The following CASKIN2 variants were observed in gnomAD, a reference collection of about 807,000 sequenced individuals.
CASKIN2 encodes caskin-2.
In CASKIN2, 41 loss-of-function variants were observed where a neutral mutation model predicts 107.1. The observed-to-expected ratio is 0.38, with a 90% CI of 0.30 to 0.50. The LOEUF (loss-of-function observed/expected upper bound fraction) is 0.50, where lower values mean the gene tolerates loss of function less well. CASKIN2 is among the 20% of genes least tolerant of loss of function. The pLI is 0.92. For synonymous variants in CASKIN2, 724 were observed against 705.6 expected, an observed-to-expected ratio of 1.03 and a Z score of -0.41; for missense variants, 1,546 against 1,657.4, an observed-to-expected ratio of 0.93 and a Z score of 1.17.
intron 2 of CASKIN2, among the ~76,000 whole-genome samples, chr17:75,513,434 A>G (rs1297069428): frequency 6.6e-6 from 1 of 152,168 alleles, no homozygotes; most frequent in African/African-American, 2.4e-5. Context: ...GACAAGCTAT[A>G]GGCACTCAAT....
chr17:75,513,892 C>T lies in CASKIN2; in HGVS notation c.-88G>A. 1 of 1,264,286 alleles carries T rather than the reference C, an allele frequency of 7.9e-7. No individual in the cohort carries two copies. Among genetic ancestry groups the T allele is most frequent in the South Asian group, 1.2e-5 (1 of 80,510 alleles). The allele number at this position is 1,264,286 out of a possible 1,614,324, so 78.3% of individuals were successfully genotyped here. A position where few individuals can be genotyped will look rare whatever the true frequency, so the allele number is the denominator to read the frequency against. ...GCTGGGGCGTCAGGGCGCCATGCCACAGCCCCTTGGAGGGCTCCCGGTTCC... is the reference window on the plus strand; with the variant it reads ...GCTGGGGCGTCAGGGCGCCATGCCATAGCCCCTTGGAGGGCTCCCGGTTCC... On this transcript the variant is annotated 5_prime_UTR_variant, in exon 2 of 20. In the 5' UTR this introduces an upstream ATG that the reference lacks. Transcript: ENST00000321617.
intron 4 of CASKIN2, among the ~76,000 whole-genome samples, 155 bp downstream of exon 4, chr17:75,507,429 A>G (rs1369598102): frequency 6.6e-6 from 1 of 152,198 alleles, no homozygotes; most frequent in Non-Finnish European, 1.5e-5. Flanking sequence ...AAGGCTGTGA[A>G]GAGTAAACGG....
In CASKIN2 at chr17:75,502,786, G is replaced by A. The variant is rs760688574; in HGVS notation, c.2288C>T (p.Pro763Leu). 37 of 1,599,106 alleles carry A rather than the reference G, an allele frequency of 2.3e-5. 1 individual carries two copies. In the South Asian group the frequency reaches 4.1e-4, roughly 18 times the overall value. Residue 763 changes from proline (P) to leucine (L), a missense_variant, in exon 18 of 20, where the codon CCC becomes CTC. Physicochemically the swap from Pro to Leu is moderately conservative, Grantham distance 98. This residue lies in a region of CASKIN2 where 1,311 missense variants were observed against 1,311.0 expected (regional missense o/e 1.00). Transcript: ENST00000321617. This position sits in a 1 kb window ranked among gnomAD's most constrained non-coding sequence, Gnocchi z 4.3. ...AGGTGGCCCTGGGGCCGGGCTAGAG[G>A]GTGAGCCCTGGGGGTACATAAAAAC... Reference protein sequence around the residue: ...PYVFMYPQGSPSSPAPGPPPG... With the variant: ...PYVFMYPQGSLSSPAPGPPPG...
rs1041459863 is a variant in CASKIN2 at position 75,500,934 on chromosome 17, C to T, written c.*146G>A. On this transcript the variant is annotated 3_prime_UTR_variant, in exon 20 of 20. Transcript: ENST00000321617. ...CCACAAGAGCTGTGGTGCCCACAGC[C>T]GCGGGCTGAGTGGGAAGGGGCCCTG... The T allele has an allele frequency of 4.0e-5, 29 of 731,040 alleles. No homozygotes were observed. The highest frequency in any genetic ancestry group is 8.5e-5 in the South Asian group (5 of 59,094). The allele number at this position is 731,040 out of a possible 1,614,324, so 45.3% of individuals were successfully genotyped here. A position where few individuals can be genotyped will look rare whatever the true frequency, so the allele number is the denominator to read the frequency against.
In CASKIN2 at chr17:75,505,304, A is replaced by G. The variant is rs1382003741; in HGVS notation, c.931-231T>C. The G allele has an allele frequency of 4.8e-6, 3 of 627,334 alleles. No homozygotes were observed. The highest frequency in any genetic ancestry group is 8.3e-6 in the Non-Finnish European group (3 of 359,694). 38.9% of individuals were successfully genotyped at this position (627,334 alleles called of 1,614,324 possible). ...CAGTGGCAGCCCGTGGTCAAATCACAGCTCCACTACTTGCTAGCTGTGTGA... is the reference window on the plus strand; with the variant it reads ...CAGTGGCAGCCCGTGGTCAAATCACGGCTCCACTACTTGCTAGCTGTGTGA... On this transcript the variant is annotated intron_variant, in intron 10 of 19. Transcript: ENST00000321617. The surrounding 1 kb of genome is among the most constrained non-coding windows in gnomAD (Gnocchi z 5.1).
In CASKIN2 at chr17:75,505,583, T is replaced by G. The variant is rs766893302; in HGVS notation, c.904A>C (p.Asn302His). The G allele has an allele frequency of 6.2e-7, 1 of 1,613,506 alleles. No homozygotes were observed. ...GTGATGACATCCCCTGCCCGGACATTGAGAGCAGTGGGATCGTGGAGGTTC... is the reference window on the plus strand; with the variant it reads ...GTGATGACATCCCCTGCCCGGACATGGAGAGCAGTGGGATCGTGGAGGTTC... ...FWNLHDPTALNVRAGDVITVL... is the reference protein window; with the variant it reads ...FWNLHDPTALHVRAGDVITVL... The change falls in exon 10 of 20, where the codon AAT (asparagine) becomes CAT (histidine). Residue 302 changes from asparagine to histidine, a missense_variant. By Grantham distance (68) the Asn-to-His change is moderately conservative. Transcript: ENST00000321617. The surrounding 1 kb of genome is among the most constrained non-coding windows in gnomAD (Gnocchi z 5.1).
In CASKIN2 at chr17:75,503,719, C is replaced by A; in HGVS notation, c.1620G>T (p.Lys540Asn). Residue 540 changes from lysine (K) to asparagine (N), a missense_variant, in exon 16 of 20, where the codon AAG becomes AAT. Around this residue, in one of 6 missense-constraint regions of CASKIN2, gnomAD observed 1,311 missense variants for 1,311.0 expected, o/e 1.00. Coordinates refer to ENST00000321617, the MANE Select transcript of CASKIN2 (RefSeq NM_020753.5). ...AIGVTKPGHR[K>N]KIASEIAQLS... ...GCTGAGCGATCTCTGAGGCGATCTT[C>A]TTCCTGTGCCCAGGCTTGGTCACCC... is the stretch of plus-strand genomic sequence containing the variant. 4 of 1,612,626 alleles carry A rather than the reference C, an allele frequency of 2.5e-6. No individual in the cohort carries two copies. The highest frequency in any genetic ancestry group is 3.4e-6 in the Non-Finnish European group (4 of 1,180,006).
chr17:75,506,848 T>G lies in CASKIN2; in HGVS notation c.437A>C (p.Lys146Thr), dbSNP rs2053270988. ...QHQSNPCLVN[K>T]AKKTPLDLAC... ...CAGGTCCAGGGGCGTCTTCTTGGCC[T>G]TGTTGACCAGGCATGGGTTGGACTG... The change falls in exon 6 of 20, where the codon AAG becomes ACG. Residue 146 changes from lysine to threonine, a missense_variant. This residue lies in a region of CASKIN2 where 136 missense variants were observed against 198.6 expected (regional missense o/e 0.68). Transcript: ENST00000321617. This position sits in a 1 kb window ranked among gnomAD's most constrained non-coding sequence, Gnocchi z 4.8. 6.2e-7 allele frequency: 1 copy of G among 1,612,624 alleles called. No individual in the cohort carries two copies. The highest frequency in any genetic ancestry group is 8.5e-7 in the Non-Finnish European group (1 of 1,179,620).
At chr17:75,509,591 T>G in intron 2 of CASKIN2, 2 of 985,666 alleles carry the variant, frequency 2.0e-6, no homozygotes, top group Non-Finnish European at 2.4e-6. Context: ...AGACCTCCAT[T>G]TTCCTCCAGT....
intron 2 of CASKIN2, among the ~76,000 whole-genome samples, chr17:75,512,833 G>A (rs1156534728): frequency 6.6e-6 from 1 of 151,500 alleles, no homozygotes. Context: ...CCGGGAGGCA[G>A]AGGCTGCAGT....
chr17:75,507,950 C>A (rs2053283230), intron 3 of CASKIN2: 7 of 583,594 alleles, frequency 1.2e-5, no homozygotes, highest in African/African-American at 1.9e-5. Context: ...AGGGCTCCTA[C>A]CCTCCAGGGA....
rs1252452761 is a variant in CASKIN2 at position 75,502,863 on chromosome 17, C to T, written c.2211G>A (p.Glu737=). ...PQERNLPEGT[E]RPPKLCSSLP... ...GTGAAGAACAAAGCTTAGGGGGCCG[C>T]TCTGTGCCCTCTGGGAGGTTCCTCT... Residue 737 remains glutamate (E), a synonymous_variant, in exon 18 of 20, where the codon GAG becomes GAA. Coordinates refer to ENST00000321617, the MANE Select transcript of CASKIN2 (RefSeq NM_020753.5). This position sits in a 1 kb window ranked among gnomAD's most constrained non-coding sequence, Gnocchi z 4.3. 1.9e-6 allele frequency: 3 copies of T among 1,546,652 alleles called. No individual in the cohort carries two copies. The highest frequency in any genetic ancestry group is 2.6e-6 in the Non-Finnish European group (3 of 1,146,662).
Position 75,501,621 on chromosome 17 carries a change from C to G in CASKIN2, c.3365G>C (p.Arg1122Pro). The stretch of plus-strand genomic sequence containing the variant: ...AGGAGGCACTGGGCGGGGGCCGAGC[C>G]GGGGCGCTAGCTTAGGGCCAGAAAA... Reference protein sequence around the residue: ...LAFSGPKLAPRLGPRPVPPPR... With the variant: ...LAFSGPKLAPPLGPRPVPPPR... Residue 1122 changes from arginine to proline, a missense_variant, in exon 19 of 20, where the codon CGG (arginine) becomes CCG (proline). By Grantham distance (103) the Arg-to-Pro change is moderately radical. Transcript: ENST00000321617. 1 of 1,600,192 alleles carries G rather than the reference C, an allele frequency of 6.2e-7. No individual in the cohort carries two copies. Among genetic ancestry groups the G allele is most frequent in the Non-Finnish European group, 8.5e-7 (1 of 1,172,826 alleles).
At position 75,502,738 on chromosome 17, in the gene CASKIN2, G is replaced by C; in HGVS notation, c.2336C>G (p.Ser779Cys). 6.3e-7 allele frequency: 1 copy of C among 1,586,590 alleles called. No individual in the cohort carries two copies. Among genetic ancestry groups the C allele is most frequent in the Non-Finnish European group, 8.6e-7 (1 of 1,165,364 alleles). Residue 779 changes from serine to cysteine, a missense_variant, in exon 18 of 20, where the codon TCC (serine) becomes TGC (cysteine). Physicochemically the swap from Ser to Cys is moderately radical, Grantham distance 112. This residue lies in a region of CASKIN2 where 1,311 missense variants were observed against 1,311.0 expected (regional missense o/e 1.00). Coordinates refer to ENST00000321617, the MANE Select transcript of CASKIN2 (RefSeq NM_020753.5). The surrounding 1 kb of genome is among the most constrained non-coding windows in gnomAD (Gnocchi z 4.3). ...GPPPGAPWAF[S>C]YLAGPPATPP... ...AGTGGCAGGGGGCCCGGCCAAGTAGGAGAAGGCCCAGGGTGCGCCAGGAGG... is the reference window on the plus strand; with the variant it reads ...AGTGGCAGGGGGCCCGGCCAAGTAGCAGAAGGCCCAGGGTGCGCCAGGAGG...
chr17:75,508,087 C>A, intron 3 of CASKIN2, 147 bp downstream of exon 3: 1 of 896,266 alleles, frequency 1.1e-6, no homozygotes, highest in Non-Finnish European at 1.7e-6. Flanking sequence ...AGGGACAGGG[C>A]CCACAGCTCG....
intron 17 of CASKIN2, 61 bp downstream of exon 17, chr17:75,503,328 T>C (rs2053225091): frequency 3.2e-6 from 5 of 1,584,162 alleles, no homozygotes; most frequent in Admixed American, 3.4e-5. Flanking sequence ...CCCCATACTG[T>C]CTTCTCTTGG....
At position 75,506,497 on chromosome 17, in the gene CASKIN2, G is replaced by A; in HGVS notation, c.618-84C>T. ...GGGGCCTGGGAGATGGAGAGCCCGG[G>A]TGAAAAGGGCAGTGGGGGAGAGCAC... On this transcript the variant is annotated intron_variant, in intron 7 of 19. Coordinates refer to ENST00000321617, the MANE Select transcript of CASKIN2 (RefSeq NM_020753.5). This position sits in a 1 kb window ranked among gnomAD's most constrained non-coding sequence, Gnocchi z 4.8. The A allele has an allele frequency of 6.3e-7, 1 of 1,593,360 alleles. No individual in the cohort carries two copies. Among genetic ancestry groups the A allele is most frequent in the Non-Finnish European group, 8.6e-7 (1 of 1,168,214 alleles).
At chr17:75,504,509 AG>A in intron 12 of CASKIN2, 29 bp from the exon 13 acceptor site, 1 of 1,597,110 alleles carries the variant, frequency 6.3e-7, no homozygotes, top group Non-Finnish European at 8.6e-7. Context: ...GAGCCAACTC[AG>A]CATTTGGGGA....
chr17:75,507,532 G>A, intron 4 of CASKIN2, 52 bp downstream of exon 4: 2 of 1,377,588 alleles, frequency 1.5e-6, no homozygotes, highest in Non-Finnish European at 2.1e-6. Flanking sequence ...CAGGGTCTGG[G>A]TAGGGCCCCT....
Sources: allele counts gnomAD v4.1 joint callset (sites outside exome capture counted in the v4.1 genomes callset), GRCh38; gene constraint gnomAD v4.1.1; regional missense constraint gnomAD v4.1.1; non-coding constraint Gnocchi (gnomAD v3.1); transcripts MANE v1.5; gene names NCBI Gene and HGNC (gene_info 2026-07-23, HGNC 2026-07-21).